Variants in GABRA6 observed in about 807,000 individuals in gnomAD.
The protein encoded by GABRA6 is gamma-aminobutyric acid type A receptor subunit alpha6, also known as gamma-aminobutyric acid receptor subunit alpha-6.
GABRA6 carries 45 observed loss-of-function variants against 47.3 expected under a neutral mutation model. That is an observed-to-expected ratio of 0.95 (90% confidence interval 0.75 to 1.22). The LOEUF (loss-of-function observed/expected upper bound fraction) is 1.22, where lower values mean the gene tolerates loss of function less well. Ranked by LOEUF, GABRA6 falls within the 50% of genes most tolerant of loss-of-function variation. GABRA6 has a pLI of 0.00. For missense variants in GABRA6, 583 were observed against 549.3 expected (o/e 1.06, Z -0.61); for synonymous variants, 219 against 194.7 (o/e 1.12, Z -1.04).
intron 8 of GABRA6, among the ~76,000 whole-genome samples, chr5:161,698,993 A>T (rs1203297687): frequency 6.6e-6 from 1 of 152,158 alleles, no homozygotes; most frequent in Non-Finnish European, 1.5e-5. Flanking sequence ...GGGAATCCTC[A>T]TTCAGTCTTT....
chr5:161,699,557 C>CTTT (rs35617127), intron 8 of GABRA6, among the ~76,000 whole-genome samples: 6,607 of 128,964 alleles, frequency 0.051, 259 homozygotes, highest in Non-Finnish European at 0.071. Flanking sequence ...CAGCTGTCAT[C>CTTT]TTTTTTTTTT....
chr5:161,700,928 T>G (rs2113089771), intron 8 of GABRA6, among the ~76,000 whole-genome samples: 1 of 152,360 alleles, frequency 6.6e-6, no homozygotes, highest in Admixed American at 6.5e-5. Flanking sequence ...GTCACTGGCC[T>G]TTGGCATACA....
Position 161,691,904 on chromosome 5 carries a change from G to T in GABRA6, c.827-37G>T, listed in dbSNP as rs772482171. 2.5e-6 allele frequency: 4 copies of T among 1,593,074 alleles called. No individual in the cohort carries two copies. The East Asian group carries it at 6.7e-5, about 27-fold the overall frequency. On this transcript the variant is annotated intron_variant, in intron 7 of 8. Coordinates refer to ENST00000274545, the MANE Select transcript of GABRA6 (RefSeq NM_000811.3). ...ATTTGATTTTGCCATAGGATTCCCA[G>T]TACTAATATTACAATTCCTATTCTT...
intron 7 of GABRA6, 116 bp downstream of exon 7, chr5:161,690,469 C>T (rs1754772565): frequency 9.6e-7 from 1 of 1,044,352 alleles, no homozygotes; most frequent in African/African-American, 1.6e-5. Context: ...AAATAGGTTC[C>T]TGTCTCATCC....
chr5:161,690,453 C>A, intron 7 of GABRA6, 100 bp downstream of exon 7: 1 of 1,184,102 alleles, frequency 8.4e-7, no homozygotes, highest in Non-Finnish European at 1.2e-6. Context: ...TTTCAATCCA[C>A]AAAGAAAATA....
In GABRA6 at chr5:161,698,846, T is replaced by C. The variant is rs574353353; in HGVS notation, c.1087-2652T>C. On this transcript the variant is annotated intron_variant, in intron 8 of 8. Transcript: ENST00000274545. The stretch of plus-strand genomic sequence containing the variant: ...TAGATGAGGCAAAAGGGAATGCTAA[T>C]GTAGGAAATCTTTAATTTCAATATA... Among the ~76,000 whole-genome samples the C allele has an allele frequency of 5.9e-5, 9 of 152,292 alleles. No homozygotes were observed. In the South Asian group the frequency reaches 1.4e-3, roughly 25 times the overall value.
At chr5:161,690,721 C>A (rs941089205) in intron 7 of GABRA6, among the ~76,000 whole-genome samples, 14 of 151,850 alleles carry the variant, frequency 9.2e-5, no homozygotes, top group Admixed American at 8.5e-4. Context: ...GGTTGTATAC[C>A]CCTTTTATTA....
In GABRA6 at chr5:161,692,168, G is replaced by C; in HGVS notation, c.1054G>C (p.Ala352Pro). ...CCCACCCACAGTGACAATATCAAAAGCTACTGAACCTTTGGAAGCTGAGAT... is the reference window on the plus strand; with the variant it reads ...CCCACCCACAGTGACAATATCAAAACCTACTGAACCTTTGGAAGCTGAGAT... Reference protein sequence around the residue: ...AAPPTVTISKATEPLEAEIVL... With the variant: ...AAPPTVTISKPTEPLEAEIVL... The change falls in exon 8 of 9, where the codon GCT becomes CCT. Residue 352 changes from alanine to proline, a missense_variant. Transcript: ENST00000274545. 1 of 1,614,160 alleles carries C rather than the reference G, an allele frequency of 6.2e-7. No individual in the cohort carries two copies. The highest frequency in any genetic ancestry group is 8.5e-7 in the Non-Finnish European group (1 of 1,180,032).
At position 161,701,640 on chromosome 5, in the gene GABRA6, C is replaced by A; in HGVS notation, c.1229C>A (p.Ala410Asp). Reference protein sequence around the residue: ...TPVTPPPLSPAFGGTSKIDQY... With the variant: ...TPVTPPPLSPDFGGTSKIDQY... ...GTCACACCCCCACCACTCTCGCCAG[C>A]CTTTGGAGGCACCAGTAAAATAGAC... Residue 410 changes from alanine to aspartate, a missense_variant, in exon 9 of 9, where the codon GCC becomes GAC. Physicochemically the swap from Ala to Asp is moderately radical, Grantham distance 126 (BLOSUM62 -2). Coordinates refer to ENST00000274545, the MANE Select transcript of GABRA6 (RefSeq NM_000811.3). 6.2e-7 allele frequency: 1 copy of A among 1,614,172 alleles called. No individual in the cohort carries two copies. The highest frequency in any genetic ancestry group is 8.5e-7 in the Non-Finnish European group (1 of 1,180,030).
intron 8 of GABRA6, among the ~76,000 whole-genome samples, chr5:161,697,365 G>A (rs1421049716): frequency 1.3e-5 from 2 of 152,188 alleles, no homozygotes; most frequent in African/African-American, 2.4e-5. Context: ...GAAATTCAGC[G>A]TGTTCCTTCT....
At chr5:161,687,517 G>A (rs1265439874) in intron 3 of GABRA6, 1 of 456,042 alleles carries the variant, frequency 2.2e-6, no homozygotes, top group African/African-American at 2.0e-5. Context: ...TGGGGACTCT[G>A]TTCCAGGTAC....
At chr5:161,699,557 C>CTT (rs35617127) in intron 8 of GABRA6, among the ~76,000 whole-genome samples, 7,281 of 129,040 alleles carry the variant, frequency 0.056, 631 homozygotes, top group African/African-American at 0.18. Context: ...CAGCTGTCAT[C>CTT]TTTTTTTTTT....
intron 8 of GABRA6, 117 bp from the exon 9 acceptor site, chr5:161,701,381 C>T (rs1754977472): frequency 8.9e-7 from 1 of 1,123,042 alleles, no homozygotes; most frequent in South Asian, 1.3e-5. Flanking sequence ...GATGTTTGAC[C>T]TTACATAGAA....
chr5:161,697,411 C>T, intron 8 of GABRA6, among the ~76,000 whole-genome samples: 1 of 152,164 alleles, frequency 6.6e-6, no homozygotes, highest in Non-Finnish European at 1.5e-5. Context: ...TGTCAATTGC[C>T]AGTTATTTAG....
At position 161,702,216 on chromosome 5, in the gene GABRA6, G is replaced by T. The variant is rs1754995104; in HGVS notation, c.*443G>T. 1 of 178,446 alleles carries T rather than the reference G, an allele frequency of 5.6e-6. No homozygotes were observed. Among genetic ancestry groups the T allele is most frequent in the Admixed American group, 5.5e-5 (1 of 18,118 alleles). The allele number at this position is 178,446 out of a possible 1,614,324, so 11.1% of individuals were successfully genotyped here. A position where few individuals can be genotyped will look rare whatever the true frequency, so the allele number is the denominator to read the frequency against. ...ATACAGTCTAAATATTTATCAGTAG[G>T]TTAATACCAGCATGTTGGAGGCCTT... On this transcript the variant is annotated 3_prime_UTR_variant, in exon 9 of 9. Coordinates refer to ENST00000274545, the MANE Select transcript of GABRA6 (RefSeq NM_000811.3).
At position 161,689,154 on chromosome 5, in the gene GABRA6, T is replaced by C. The variant is rs751252567; in HGVS notation, c.431T>C (p.Ile144Thr). 15 of 1,613,684 alleles carry C rather than the reference T, an allele frequency of 9.3e-6. No homozygotes were observed. The Admixed American group carries it at 2.5e-4, about 27-fold the overall frequency. The change falls in exon 4 of 9, where the codon ATT (isoleucine) becomes ACT (threonine). Residue 144 changes from isoleucine (I) to threonine (T), a missense_variant. Transcript: ENST00000274545. ...TTCAGAATAATGCAGAATGGAACCA[T>C]TTTATACACCATGAGGTGAGGTTTC... The part of the protein sequence containing the change: ...KLFRIMQNGT[I>T]LYTMRLTINA...
chr5:161,693,708 T>C (rs141738336), intron 8 of GABRA6, among the ~76,000 whole-genome samples: 1 of 152,204 alleles, frequency 6.6e-6, no homozygotes, highest in East Asian at 1.9e-4. Flanking sequence ...GTTCTAGCTA[T>C]TCAGGGAACT....
rs941015523 is a variant in GABRA6 at position 161,690,417 on chromosome 5, G to C, written c.826+64G>C. 1.2e-5 allele frequency: 18 copies of C among 1,506,106 alleles called. No homozygotes were observed. The South Asian group carries it at 2.0e-4, about 17-fold the overall frequency. 93.3% of individuals were successfully genotyped at this position (1,506,106 alleles called of 1,614,324 possible). ...CCACCTTTCATTGCTTGTGTATTTTGAGTAAATATTTACACTGGTGCACTT... is the reference window on the plus strand; with the variant it reads ...CCACCTTTCATTGCTTGTGTATTTTCAGTAAATATTTACACTGGTGCACTT... On this transcript the variant is annotated intron_variant, in intron 7 of 8. Coordinates refer to ENST00000274545, the MANE Select transcript of GABRA6 (RefSeq NM_000811.3).
Position 161,701,623 on chromosome 5 carries a change from C to T in GABRA6, c.1212C>T (p.Pro404=), listed in dbSNP as rs949008917. The change falls in exon 9 of 9, where the codon CCC becomes CCT. Residue 404 remains proline (P), a synonymous_variant. Coordinates refer to ENST00000274545, the MANE Select transcript of GABRA6 (RefSeq NM_000811.3). ...APILQSTPVT[P]PPLSPAFGGT... Reference sequence around the variant, plus strand: ...TCTTACAATCAACACCTGTCACACCCCCACCACTCTCGCCAGCCTTTGGAG... The same window carrying T: ...TCTTACAATCAACACCTGTCACACCTCCACCACTCTCGCCAGCCTTTGGAG... 5 of 1,614,166 alleles carry T rather than the reference C, an allele frequency of 3.1e-6. No homozygotes were observed. The highest frequency in any genetic ancestry group is 3.3e-4 in the Middle Eastern group (2 of 6,062).
Sources: allele counts gnomAD v4.1 joint callset (sites outside exome capture counted in the v4.1 genomes callset), GRCh38; gene constraint gnomAD v4.1.1; transcripts MANE v1.5; gene names NCBI Gene and HGNC (gene_info 2026-07-23, HGNC 2026-07-21).